METAP1: variants seen among roughly 807,000 people sequenced by gnomAD.
METAP1 encodes methionyl aminopeptidase 1, also known as methionine aminopeptidase 1.
In METAP1, 28 loss-of-function variants were observed where a neutral mutation model predicts 53.8. The observed-to-expected ratio is 0.52, with a 90% CI of 0.39 to 0.71. The LOEUF (loss-of-function observed/expected upper bound fraction) is 0.71, where lower values mean the gene tolerates loss of function less well. METAP1 is among the 30% of genes least tolerant of loss of function. The pLI is 0.00. For synonymous variants in METAP1, 181 were observed against 165.7 expected (o/e 1.09, Z -0.71); for missense variants, 389 against 479.8 (o/e 0.81, Z 1.77).
At chr4:99,024,605 CAG>C (rs1225663146) in intron 1 of METAP1, among the ~76,000 whole-genome samples, 3 of 152,202 alleles carry the variant, frequency 2.0e-5, no homozygotes, top group Non-Finnish European at 4.4e-5. Flanking sequence ...CCATCAAGTG[CAG>C]AGTCTGCAAA....
In METAP1 at chr4:99,030,431, C is replaced by T. The variant is rs927196950; in HGVS notation, c.166+1513C>T. On this transcript the variant is annotated intron_variant, in intron 2 of 10. Coordinates refer to ENST00000296411, the MANE Select transcript of METAP1 (RefSeq NM_015143.3). ...TGTTTAGTATGGTGCCATCTTGTAG[C>T]TATTGCTCTGTTGGATCTTTTGGGA... is the stretch of plus-strand genomic sequence containing the variant. Among the ~76,000 whole-genome samples the T allele has an allele frequency of 2.6e-5, 4 of 152,176 alleles. No individual in the cohort carries two copies. The East Asian group carries it at 7.7e-4, about 29-fold the overall frequency.
At chr4:99,035,337 C>G in intron 3 of METAP1, 63 bp from the exon 4 acceptor site, 1 of 1,210,598 alleles carries the variant, frequency 8.3e-7, no homozygotes, top group East Asian at 2.6e-5. Flanking sequence ...GAATGGACTT[C>G]TTTCTCCCCT....
intron 9 of METAP1, among the ~76,000 whole-genome samples, chr4:99,051,915 A>G (rs1232226313): frequency 6.6e-6 from 1 of 152,192 alleles, no homozygotes; most frequent in Non-Finnish European, 1.5e-5. Flanking sequence ...TGTAGGAGAA[A>G]TCCTTGTTAG....
rs962374212 is a variant in METAP1, at chr4:99,061,839, T to G, written c.*522T>G. On this transcript the variant is annotated 3_prime_UTR_variant, in exon 11 of 11. Transcript: ENST00000296411. ...TGTTCTTACAAATGGATCCATAGTT[T>G]GCAGTGATTTAATTCCTGGTTGGGA... 1.1e-4 allele frequency: 16 copies of G among 152,232 alleles called. No homozygotes were observed. The highest frequency in any genetic ancestry group is 3.9e-4 in the African/African-American group (16 of 41,442). 9.4% of individuals were successfully genotyped at this position (152,232 alleles called of 1,614,324 possible). A position where few individuals can be genotyped will look rare whatever the true frequency, so the allele number is the denominator to read the frequency against.
intron 1 of METAP1, chr4:99,022,663 G>A (rs955710922): frequency 2.0e-5 from 24 of 1,180,382 alleles, no homozygotes; most frequent in Non-Finnish European, 2.2e-5. Context: ...CAAGGTGCTC[G>A]CTGTGGTGGG....
intron 1 of METAP1, among the ~76,000 whole-genome samples, chr4:98,998,699 A>G (rs796088288): frequency 3.3e-5 from 5 of 152,114 alleles, no homozygotes; most frequent in Admixed American, 6.5e-5. Flanking sequence ...AGGCCTTTCT[A>G]TCACACCATT....
intron 1 of METAP1, among the ~76,000 whole-genome samples, chr4:99,024,228 A>G (rs995840825): frequency 6.6e-6 from 1 of 152,060 alleles, no homozygotes; most frequent in African/African-American, 2.4e-5. Context: ...TGCTTGCTCA[A>G]TTGATCATGA....
intron 1 of METAP1, among the ~76,000 whole-genome samples, chr4:99,001,354 A>C (rs935866062): frequency 2.6e-5 from 4 of 152,258 alleles, no homozygotes; most frequent in African/African-American, 9.6e-5. Context: ...CAAAACAAAA[A>C]TAATTTCATA....
At chr4:99,023,765 A>T (rs2110315965) in intron 1 of METAP1, 2 of 985,434 alleles carry the variant, frequency 2.0e-6, no homozygotes, top group Non-Finnish European at 2.4e-6. Context: ...AGTTAGTTGC[A>T]CTGGTTAATT....
chr4:99,055,042 ATT>A (rs904487256), intron 9 of METAP1, among the ~76,000 whole-genome samples: 21 of 152,118 alleles, frequency 1.4e-4, no homozygotes, highest in African/African-American at 5.1e-4. Flanking sequence ...GAAAAATGAC[ATT>A]GTTAGACTTG....
chr4:99,060,792 A>C (rs1444525138), intron 10 of METAP1, among the ~76,000 whole-genome samples: 1 of 152,296 alleles, frequency 6.6e-6, no homozygotes. Flanking sequence ...ATTATTGTAC[A>C]TATTCATAGG....
chr4:99,024,955 A>G (rs1724450923), intron 1 of METAP1, among the ~76,000 whole-genome samples: 1 of 152,202 alleles, frequency 6.6e-6, no homozygotes, highest in Non-Finnish European at 1.5e-5. Flanking sequence ...AATTAGTTAG[A>G]TTCTCACAAG....
intron 7 of METAP1, 59 bp from the exon 8 acceptor site, chr4:99,045,120 A>C: frequency 6.5e-7 from 1 of 1,546,156 alleles, no homozygotes; most frequent in Non-Finnish European, 8.8e-7. Flanking sequence ...TGTTGGAAAA[A>C]CACTTGAATT....
chr4:99,001,670 T>G (rs1303343892), intron 1 of METAP1, among the ~76,000 whole-genome samples: 1 of 152,226 alleles, frequency 6.6e-6, no homozygotes, highest in African/African-American at 2.4e-5. Context: ...GAATTTAATT[T>G]CTTTTCAATT....
At position 99,037,339 on chromosome 4, in the gene METAP1, A is replaced by G. The variant is rs114968160; in HGVS notation, c.340+1879A>G. On this transcript the variant is annotated intron_variant, in intron 4 of 10. Coordinates refer to ENST00000296411, the MANE Select transcript of METAP1 (RefSeq NM_015143.3). ...AAAATTTATCAGTGTTTTATTTTAC[A>G]GTGTGTATGGCTCTATGACCTAGAA... 7.5e-3 allele frequency among the ~76,000 whole-genome samples: 1,146 copies of G among 152,082 alleles called. 11 individuals carry two copies. The highest frequency in any genetic ancestry group is 0.027 in the African/African-American group (1,101 of 41,532).
chr4:99,042,712 T>C (rs532450321), intron 6 of METAP1, among the ~76,000 whole-genome samples: 1 of 152,140 alleles, frequency 6.6e-6, no homozygotes, highest in South Asian at 2.1e-4. Context: ...ACATTTTTCA[T>C]AAGGACTAGT....
chr4:99,008,044 C>T (rs747245288), intron 1 of METAP1, among the ~76,000 whole-genome samples: 1 of 152,116 alleles, frequency 6.6e-6, no homozygotes, highest in Non-Finnish European at 1.5e-5. Context: ...GATAAAACAG[C>T]TAAAGAACAG....
chr4:99,040,895 A>T (rs1725810557), intron 5 of METAP1, 148 bp from the exon 6 acceptor site: 1 of 278,548 alleles, frequency 3.6e-6, no homozygotes, highest in Non-Finnish European at 6.4e-6. Flanking sequence ...TTATGTATTT[A>T]CATATAATAT....
rs971019987 is a variant in METAP1 at position 99,038,149 on chromosome 4, C to T, written c.341-1225C>T. Among the ~76,000 whole-genome samples, 6 of 152,002 alleles carry T rather than the reference C, an allele frequency of 3.9e-5. No individual in the cohort carries two copies. The South Asian group carries it at 1.2e-3, about 31-fold the overall frequency. On this transcript the variant is annotated intron_variant, in intron 4 of 10. Transcript: ENST00000296411. ...TGATAAATTTATCTTAAACAATATG[C>T]CAACTTGCTGAATTTGTATTTATGG...
Sources: gnomAD v4.1 joint callset for allele counts (sites outside exome capture counted in the v4.1 genomes callset) on GRCh38, gnomAD v4.1.1 for gene constraint, MANE v1.5 for transcripts, NCBI Gene and HGNC (gene_info 2026-07-23, HGNC 2026-07-21) for gene names.